The following VAT1L variants were observed in gnomAD, a reference collection of about 807,000 sequenced individuals.
VAT1L encodes putative NADPH-dependent quinone oxidoreductase VAT1L.
In VAT1L, 34 loss-of-function variants were observed where a neutral mutation model predicts 44.1. The observed-to-expected ratio is 0.77, with a 90% CI of 0.59 to 1.03. The LOEUF (loss-of-function observed/expected upper bound fraction) is 1.03, where lower values mean the gene tolerates loss of function less well. Among genes scored for constraint, VAT1L ranks in the 50% least tolerant of loss-of-function variants. VAT1L has a pLI of 0.00. For missense variants in VAT1L, 615 were observed against 538.8 expected, an observed-to-expected ratio of 1.14 and a Z score of -1.40; for synonymous variants, 253 against 202.2, an observed-to-expected ratio of 1.25 and a Z score of -2.13.
Position 77,848,457 on chromosome 16 carries a change from C to A in VAT1L, c.580-14291C>A, listed in dbSNP as rs144606967. Among the ~76,000 whole-genome samples, 27 of 152,242 alleles carry A rather than the reference C, an allele frequency of 1.8e-4. 1 individual carries two copies. The highest frequency in any genetic ancestry group is 6.3e-4 in the African/African-American group (26 of 41,538). On this transcript the variant is annotated intron_variant, in intron 3 of 8. Coordinates refer to ENST00000302536, the MANE Select transcript of VAT1L (RefSeq NM_020927.3). ...TGGGATTGCCCCATGTGGGACTATGCCTGGTCCATGATCTTGCTGGAGAGA... is the reference window on the plus strand; with the variant it reads ...TGGGATTGCCCCATGTGGGACTATGACTGGTCCATGATCTTGCTGGAGAGA...
chr16:77,910,673 C>CAAAAAAAAAAAAA (rs3038773), intron 7 of VAT1L, among the ~76,000 whole-genome samples: 9 of 82,954 alleles, frequency 1.1e-4, no homozygotes, highest in South Asian at 4.8e-4. Flanking sequence ...GACTCCTTCT[C>CAAAAAAAAAAAAA]AAAAAAAAAA....
intron 3 of VAT1L, among the ~76,000 whole-genome samples, chr16:77,861,258 G>C (rs1360962307): frequency 6.6e-6 from 1 of 152,168 alleles, no homozygotes; most frequent in Admixed American, 6.5e-5. Flanking sequence ...CCTTAAAATG[G>C]CAGATGGAAC....
chr16:77,968,508 A>G (rs1450973122), intron 7 of VAT1L, among the ~76,000 whole-genome samples: 1 of 152,164 alleles, frequency 6.6e-6, no homozygotes, highest in African/African-American at 2.4e-5. Context: ...GGCGGATCAC[A>G]AAGTCAGGAG....
At chr16:77,966,763 T>A (rs1050113680) in intron 7 of VAT1L, among the ~76,000 whole-genome samples, 2 of 152,140 alleles carry the variant, frequency 1.3e-5, no homozygotes, top group African/African-American at 4.8e-5. Flanking sequence ...TGATTAAGTC[T>A]GTGAAGTCTG....
At chr16:77,809,657 C>T (rs1408150658) in intron 1 of VAT1L, among the ~76,000 whole-genome samples, 1 of 152,232 alleles carries the variant, frequency 6.6e-6, no homozygotes, top group Non-Finnish European at 1.5e-5. Context: ...CTCATCCCCT[C>T]TTCTCAGCAA....
chr16:77,914,595 A>G (rs1384977213), intron 7 of VAT1L, among the ~76,000 whole-genome samples: 1 of 152,252 alleles, frequency 6.6e-6, no homozygotes, highest in Non-Finnish European at 1.5e-5. Flanking sequence ...AAGAGGTTAC[A>G]GTTCATTGAA....
chr16:77,907,958 G>A (rs947646797), intron 7 of VAT1L, among the ~76,000 whole-genome samples: 1 of 152,168 alleles, frequency 6.6e-6, no homozygotes, highest in African/African-American at 2.4e-5. Context: ...GCCATCAAAA[G>A]GGCTGGACAC....
chr16:77,955,051 C>T (rs1221253768), intron 7 of VAT1L, among the ~76,000 whole-genome samples: 1 of 152,084 alleles, frequency 6.6e-6, no homozygotes. Context: ...TTCATGAGCG[C>T]CTATTGAGCT....
chr16:77,868,762 G>T (rs973602413), intron 4 of VAT1L, among the ~76,000 whole-genome samples: 1 of 152,114 alleles, frequency 6.6e-6, no homozygotes, highest in Non-Finnish European at 1.5e-5. Context: ...TTAGATCAGA[G>T]CTTCCAACCT....
intron 7 of VAT1L, 118 bp from the exon 8 acceptor site, chr16:77,971,732 A>T: frequency 9.4e-7 from 1 of 1,064,802 alleles, no homozygotes; most frequent in Non-Finnish European, 1.4e-6. Flanking sequence ...CTTAGCCACT[A>T]AACTTGAGCC....
At chr16:77,822,506 G>A (rs923618113) in intron 2 of VAT1L, among the ~76,000 whole-genome samples, 1 of 152,120 alleles carries the variant, frequency 6.6e-6, no homozygotes, top group African/African-American at 2.4e-5. Flanking sequence ...CAGTATCCAA[G>A]AAATCTAGGG....
At chr16:77,897,780 T>G (rs1338277673) in intron 7 of VAT1L, among the ~76,000 whole-genome samples, 1 of 152,158 alleles carries the variant, frequency 6.6e-6, no homozygotes, top group Non-Finnish European at 1.5e-5. Flanking sequence ...CAGCCCAAAC[T>G]GGGTTTCTTA....
intron 3 of VAT1L, among the ~76,000 whole-genome samples, chr16:77,842,143 T>A (rs887327183): frequency 6.6e-6 from 1 of 152,194 alleles, no homozygotes; most frequent in African/African-American, 2.4e-5. Context: ...TGCCTTGGCC[T>A]CCCAAAGTGC....
intron 7 of VAT1L, among the ~76,000 whole-genome samples, chr16:77,937,205 C>T (rs1445679869): frequency 1.3e-5 from 2 of 152,142 alleles, no homozygotes; most frequent in Admixed American, 1.3e-4. Context: ...TGAGAGCCCA[C>T]CTGGGAGTAG....
intron 1 of VAT1L, among the ~76,000 whole-genome samples, chr16:77,795,295 T>C (rs1274248980): frequency 2.7e-5 from 4 of 150,844 alleles, no homozygotes; most frequent in African/African-American, 9.7e-5. Context: ...GGGGGAAAGA[T>C]TGAGAAATTA....
At chr16:77,842,945 T>C (rs2016721231) in intron 3 of VAT1L, among the ~76,000 whole-genome samples, 2 of 152,246 alleles carry the variant, frequency 1.3e-5, no homozygotes, top group African/African-American at 4.8e-5. Flanking sequence ...CATTCGTTAT[T>C]TTATTTCTGC....
intron 4 of VAT1L, among the ~76,000 whole-genome samples, chr16:77,875,082 G>C (rs958860381): frequency 2.0e-5 from 3 of 152,184 alleles, no homozygotes; most frequent in Non-Finnish European, 2.9e-5. Flanking sequence ...TAATTACTTT[G>C]TTTTGAACTT....
chr16:77,955,181 T>A (rs976264718), intron 7 of VAT1L, among the ~76,000 whole-genome samples: 8 of 152,144 alleles, frequency 5.3e-5, no homozygotes, highest in Non-Finnish European at 8.8e-5. Context: ...CATGGAGCAA[T>A]GGGAGGGGAG....
chr16:77,915,705 A>C (rs1308364089), intron 7 of VAT1L, among the ~76,000 whole-genome samples: 2 of 152,206 alleles, frequency 1.3e-5, no homozygotes, highest in African/African-American at 4.8e-5. Flanking sequence ...TGTGGGAATG[A>C]ATGAACCAAT....
Sources: allele counts gnomAD v4.1 joint callset (sites outside exome capture counted in the v4.1 genomes callset), GRCh38; gene constraint gnomAD v4.1.1; transcripts MANE v1.5; gene names NCBI Gene and HGNC (gene_info 2026-07-23, HGNC 2026-07-21).